Variants in BAZ1B observed in about 807,000 individuals in gnomAD.
BAZ1B encodes bromodomain adjacent to zinc finger domain 1B, also known as tyrosine-protein kinase BAZ1B.
Under a neutral mutation model 153.8 loss-of-function variants are expected in BAZ1B, and 22 were observed. That is an observed-to-expected ratio of 0.14 (90% confidence interval 0.10 to 0.20). The LOEUF (loss-of-function observed/expected upper bound fraction) is 0.20. Among genes scored for constraint, BAZ1B ranks in the 10% least tolerant of loss-of-function variants. BAZ1B has a pLI of 1.00. For missense variants in BAZ1B, 1,325 were observed against 1,799.3 expected (o/e 0.74, Z 4.77); for synonymous variants, 676 against 633.4 (o/e 1.07, Z -1.01).
At chr7:73,489,878 T>C (rs1270918697) in intron 5 of BAZ1B, among the ~76,000 whole-genome samples, 1 of 152,218 alleles carries the variant, frequency 6.6e-6, no homozygotes, top group African/African-American at 2.4e-5. Flanking sequence ...GTATCAAAGT[T>C]TTCTAAAAAT....
rs1026580712 is a variant in BAZ1B, at chr7:73,507,811, T to C, written c.369+516A>G. Reference sequence around the variant, plus strand: ...CCAGGGAGTCCAAGGCTACATACAGTGAGCTATGACTGCACCACTGCACTC... The same window carrying C: ...CCAGGGAGTCCAAGGCTACATACAGCGAGCTATGACTGCACCACTGCACTC... On this transcript the variant is annotated intron_variant, in intron 3 of 19. Transcript: ENST00000339594. 2.0e-5 allele frequency among the ~76,000 whole-genome samples: 3 copies of C among 151,656 alleles called. No homozygotes were observed. In the East Asian group the frequency reaches 5.8e-4, roughly 29 times the overall value.
chr7:73,481,979 C>T (rs2116353486), intron 6 of BAZ1B, among the ~76,000 whole-genome samples: 1 of 152,202 alleles, frequency 6.6e-6, no homozygotes, highest in African/African-American at 2.4e-5. Context: ...GCGGAGCTCG[C>T]AGTGAGCCGA....
intron 3 of BAZ1B, among the ~76,000 whole-genome samples, chr7:73,503,465 T>C (rs1223885295): frequency 1.9e-4 from 29 of 151,838 alleles, no homozygotes; most frequent in Admixed American, 1.8e-3. Context: ...AGCCTTGAAC[T>C]CCTGAGTTCA....
intron 3 of BAZ1B, among the ~76,000 whole-genome samples, chr7:73,504,627 G>A (rs1790262020): frequency 2.6e-5 from 4 of 152,018 alleles, no homozygotes; most frequent in Non-Finnish European, 4.4e-5. Context: ...TCGCGCCACC[G>A]GACTCCAGCC....
intron 6 of BAZ1B, 130 bp downstream of exon 6, chr7:73,489,064 A>C: frequency 1.0e-5 from 9 of 896,440 alleles, no homozygotes; most frequent in East Asian, 5.3e-5. Flanking sequence ...TGTAACAGAT[A>C]TACCTGAAAA....
intron 6 of BAZ1B, among the ~76,000 whole-genome samples, chr7:73,485,325 T>C (rs559789266): frequency 4.6e-5 from 7 of 152,208 alleles, no homozygotes; most frequent in South Asian, 4.1e-4. Flanking sequence ...CGTGTGTATA[T>C]AGACAGCAGA....
chr7:73,513,110 T>G (rs1790652999), intron 1 of BAZ1B, among the ~76,000 whole-genome samples: 1 of 152,244 alleles, frequency 6.6e-6, no homozygotes, highest in East Asian at 1.9e-4. Flanking sequence ...CACACCACCA[T>G]GCCCACCTAC....
At chr7:73,470,574 T>C in intron 7 of BAZ1B, 91 bp from the exon 8 acceptor site, 2 of 1,412,214 alleles carry the variant, frequency 1.4e-6, no homozygotes, top group East Asian at 2.3e-5. Context: ...AAGTGCCTAG[T>C]ATACAGTAGT....
intron 1 of BAZ1B, among the ~76,000 whole-genome samples, chr7:73,519,265 C>T (rs1234839578): frequency 1.3e-5 from 2 of 152,084 alleles, no homozygotes; most frequent in East Asian, 1.9e-4. Flanking sequence ...AATATCAAGT[C>T]CCATTAAAAA....
intron 6 of BAZ1B, among the ~76,000 whole-genome samples, chr7:73,479,002 G>A (rs1554573320): frequency 6.6e-6 from 1 of 152,096 alleles, no homozygotes; most frequent in East Asian, 1.9e-4. Flanking sequence ...AAACAAGACT[G>A]AATTTTCATC....
intron 3 of BAZ1B, among the ~76,000 whole-genome samples, chr7:73,507,426 GTGGTCCCAGCTACA>G (rs1258517703): frequency 5.3e-5 from 8 of 152,024 alleles, no homozygotes; most frequent in Non-Finnish European, 2.9e-5. Flanking sequence ...GCGCACACCT[GTGGTCCCAGCTACA>G]TGGAGGGTGA....
At chr7:73,499,838 A>T (rs1197433069) in intron 3 of BAZ1B, among the ~76,000 whole-genome samples, 1 of 152,178 alleles carries the variant, frequency 6.6e-6, no homozygotes, top group Non-Finnish European at 1.5e-5. Context: ...ATACTTACAT[A>T]GCCCCTTCAG....
chr7:73,488,484 C>T (rs1789504549), intron 6 of BAZ1B, among the ~76,000 whole-genome samples: 1 of 152,050 alleles, frequency 6.6e-6, no homozygotes, highest in African/African-American at 2.4e-5. Context: ...GTAATCCCAG[C>T]ACTTTGGGAG....
intron 6 of BAZ1B, among the ~76,000 whole-genome samples, chr7:73,483,436 G>A (rs188243863): frequency 6.6e-6 from 1 of 152,194 alleles, no homozygotes; most frequent in Admixed American, 6.5e-5. Flanking sequence ...GAACTCTGAG[G>A]ACAACACTCA....
At chr7:73,469,698 G>C (rs782380466) in intron 8 of BAZ1B, 48 bp from the exon 9 acceptor site, 1 of 1,603,340 alleles carries the variant, frequency 6.2e-7, no homozygotes, top group South Asian at 1.1e-5. Context: ...GATCAGGATT[G>C]CAGGATGATT....
At chr7:73,484,521 G>A (rs745539174) in intron 6 of BAZ1B, among the ~76,000 whole-genome samples, 4 of 152,050 alleles carry the variant, frequency 2.6e-5, no homozygotes, top group Non-Finnish European at 4.4e-5. Context: ...GTGCACACCT[G>A]TGGTCTCGGC....
Position 73,473,617 on chromosome 7 carries a change from T to C in BAZ1B, c.2594-3134A>G, listed in dbSNP as rs1006287273. Among the ~76,000 whole-genome samples, 6 of 152,326 alleles carry C rather than the reference T, an allele frequency of 3.9e-5. No individual in the cohort carries two copies. In the East Asian group the frequency reaches 7.7e-4, roughly 20 times the overall value. ...TATACTCAGGCACAGTATGCATACATATGCAAAAATATTTCAATGGCCTTA... is the reference window on the plus strand; with the variant it reads ...TATACTCAGGCACAGTATGCATACACATGCAAAAATATTTCAATGGCCTTA... On this transcript the variant is annotated intron_variant, in intron 7 of 19. Coordinates refer to ENST00000339594, the MANE Select transcript of BAZ1B (RefSeq NM_032408.4).
intron 1 of BAZ1B, 36 bp downstream of exon 1, chr7:73,521,791 C>G (rs782657783): frequency 3.4e-6 from 5 of 1,467,440 alleles, no homozygotes; most frequent in Non-Finnish European, 4.5e-6. Context: ...CGGCCCAGCC[C>G]GGCCCAGCCC....
intron 4 of BAZ1B, among the ~76,000 whole-genome samples, chr7:73,497,162 CG>C (rs1554576486): frequency 2.0e-5 from 3 of 150,358 alleles, no homozygotes; most frequent in African/African-American, 7.3e-5. Flanking sequence ...AGGATCGCTT[CG>C]GCCAGGAATG....
Sources: allele counts gnomAD v4.1 joint callset (sites outside exome capture counted in the v4.1 genomes callset), GRCh38; gene constraint gnomAD v4.1.1; transcripts MANE v1.5; gene names NCBI Gene and HGNC (gene_info 2026-07-23, HGNC 2026-07-21).